TASP1: variants seen among roughly 807,000 people sequenced by gnomAD.
TASP1 encodes the protein threonine aspartase 1.
TASP1 carries 16 observed loss-of-function variants against 56.6 expected under a neutral mutation model. The ratio of observed to expected loss-of-function variants is 0.28; its 90% CI spans 0.19 to 0.43. TASP1 has a LOEUF of 0.43. TASP1 is among the 20% of genes least tolerant of loss of function. TASP1 has a pLI of 1.00. For missense variants in TASP1, 393 were observed against 511.6 expected, an observed-to-expected ratio of 0.77 and a Z score of 2.24; for synonymous variants, 179 against 184.2, an observed-to-expected ratio of 0.97 and a Z score of 0.23.
the TASP1 span, among the ~76,000 whole-genome samples, chr20:13,292,102 A>C: frequency 2.0e-5 from 3 of 152,158 alleles, no homozygotes; most frequent in Admixed American, 2.0e-4. Flanking sequence ...CACTGCCCAA[A>C]ACCCCATCCC....
At chr20:13,225,001 A>G in the TASP1 span, among the ~76,000 whole-genome samples, 5 of 145,102 alleles carry the variant, frequency 3.4e-5, no homozygotes, top group South Asian at 2.2e-4. Context: ...GCCTGCCACC[A>G]CGCCCGGCTA....
At chr20:13,454,735 A>G (rs962241939) in intron 11 of TASP1, among the ~76,000 whole-genome samples, 3 of 152,098 alleles carry the variant, frequency 2.0e-5, no homozygotes, top group African/African-American at 7.2e-5. Context: ...CAGCAAGGCC[A>G]TTTCCTGTGA....
chr20:13,559,851 T>C (rs190642384), intron 7 of TASP1, among the ~76,000 whole-genome samples: 80 of 152,234 alleles, frequency 5.3e-4, no homozygotes, highest in African/African-American at 1.8e-3. Flanking sequence ...CTCATAGTTT[T>C]AAAAGGAAAA....
intron 4 of TASP1, among the ~76,000 whole-genome samples, chr20:13,605,663 A>C (rs1214249414): frequency 6.6e-6 from 1 of 152,174 alleles, no homozygotes; most frequent in Non-Finnish European, 1.5e-5. Flanking sequence ...TGGGCAACAG[A>C]GTGAGACCTT....
At chr20:13,536,008 T>C (rs951413385) in intron 8 of TASP1, among the ~76,000 whole-genome samples, 1 of 152,232 alleles carries the variant, frequency 6.6e-6, no homozygotes, top group African/African-American at 2.4e-5. Context: ...AAATATACTT[T>C]TAAGAGGAAT....
chr20:13,308,229 C>T, the TASP1 span, among the ~76,000 whole-genome samples: 1 of 152,118 alleles, frequency 6.6e-6, no homozygotes, highest in Non-Finnish European at 1.5e-5. Flanking sequence ...ATGAATGGCC[C>T]AGTGGGGGTG....
chr20:13,563,064 C>G (rs1363233259), intron 7 of TASP1, among the ~76,000 whole-genome samples: 1 of 148,078 alleles, frequency 6.8e-6, no homozygotes, highest in Admixed American at 6.7e-5. Flanking sequence ...AACACACACA[C>G]ACATATATAT....
intron 12 of TASP1, among the ~76,000 whole-genome samples, chr20:13,418,080 T>C (rs936431791): frequency 1.3e-5 from 2 of 152,122 alleles, no homozygotes; most frequent in African/African-American, 4.8e-5. Flanking sequence ...ACCCAGCTAA[T>C]TTTGTATTTT....
At chr20:13,146,953 G>A in the TASP1 span, among the ~76,000 whole-genome samples, 4 of 152,154 alleles carry the variant, frequency 2.6e-5, no homozygotes, top group Non-Finnish European at 5.9e-5. Flanking sequence ...TGTGAAGTGG[G>A]CCCAAAAAGC....
At chr20:13,354,064 G>T in the TASP1 span, among the ~76,000 whole-genome samples, 2 of 152,076 alleles carry the variant, frequency 1.3e-5, no homozygotes, top group East Asian at 3.9e-4. Context: ...AAGGTAATAA[G>T]AAAAAAACTC....
chr20:13,613,084 A>G (rs1056400742), intron 4 of TASP1, among the ~76,000 whole-genome samples: 33 of 152,230 alleles, frequency 2.2e-4, no homozygotes, highest in African/African-American at 7.7e-4. Context: ...TAATAAATTT[A>G]ACTGTGTTAA....
the TASP1 span, chr20:13,221,737 G>A: frequency 1.5e-6 from 2 of 1,350,108 alleles, no homozygotes; most frequent in Non-Finnish European, 1.9e-6. Context: ...CGCCGCCGCC[G>A]GCCGCCGCGC....
At chr20:13,612,806 C>A (rs1038977710) in intron 4 of TASP1, among the ~76,000 whole-genome samples, 3 of 152,096 alleles carry the variant, frequency 2.0e-5, no homozygotes, top group African/African-American at 7.2e-5. Flanking sequence ...AAGAAAAATT[C>A]TCTGGTAAAC....
the TASP1 span, among the ~76,000 whole-genome samples, chr20:13,375,165 T>C: frequency 6.6e-6 from 1 of 152,138 alleles, no homozygotes; most frequent in Non-Finnish European, 1.5e-5. Flanking sequence ...ATATGTGCCA[T>C]GGTGGTTTGC....
rs1447581772 is a variant in TASP1 at position 13,417,498 on chromosome 20, T to A, written c.1120A>T (p.Thr374Ser). 11 of 1,614,048 alleles carry A rather than the reference T, an allele frequency of 6.8e-6. No homozygotes were observed. The highest frequency in any genetic ancestry group is 3.4e-6 in the Non-Finnish European group (4 of 1,180,006). The change falls in exon 13 of 14, where the codon ACG becomes TCG. Residue 374 changes from threonine (T) to serine (S), a missense_variant. Physicochemically the swap from Thr to Ser is moderately conservative, Grantham distance 58. Transcript: ENST00000337743. The stretch of plus-strand genomic sequence containing the variant: ...ATATATCCGACACACATGCTCTCCG[T>A]CGTGTGGCTCCACAGAAATTCCACT... ...LLVEFLWSHT[T>S]ESMCVGYMSA...
At chr20:13,428,216 T>G (rs1031534623) in intron 12 of TASP1, among the ~76,000 whole-genome samples, 1 of 152,234 alleles carries the variant, frequency 6.6e-6, no homozygotes, top group Non-Finnish European at 1.5e-5. Flanking sequence ...TCATAGGGTC[T>G]ATCAGGCTCC....
At chr20:13,124,569 G>A in the TASP1 span, among the ~76,000 whole-genome samples, 96 of 152,208 alleles carry the variant, frequency 6.3e-4, no homozygotes, top group African/African-American at 1.8e-3. Context: ...GAAGAAGGAC[G>A]GGTGAAAGGG....
the TASP1 span, among the ~76,000 whole-genome samples, chr20:13,259,577 G>A: frequency 6.6e-6 from 1 of 152,168 alleles, no homozygotes; most frequent in Non-Finnish European, 1.5e-5. Flanking sequence ...AGAAACAGAT[G>A]TTTATAAAGT....
intron 12 of TASP1, among the ~76,000 whole-genome samples, chr20:13,418,380 G>C (rs2042331016): frequency 6.6e-6 from 1 of 152,134 alleles, no homozygotes; most frequent in African/African-American, 2.4e-5. Flanking sequence ...AAAGACCCAG[G>C]GGTCAACTTG....
Sources: gnomAD v4.1 joint callset for allele counts (sites outside exome capture counted in the v4.1 genomes callset) on GRCh38, gnomAD v4.1.1 for gene constraint, MANE v1.5 for transcripts, NCBI Gene and HGNC (gene_info 2026-07-23, HGNC 2026-07-21) for gene names.